Variants in XIAP observed in about 807,000 individuals in gnomAD.
XIAP encodes E3 ubiquitin-protein ligase XIAP.
XIAP carries 3 observed loss-of-function variants against 33.1 expected under a neutral mutation model. The ratio of observed to expected loss-of-function variants is 0.09; its 90% CI spans 0.04 to 0.23. The LOEUF is 0.23. Among genes scored for constraint, XIAP ranks in the 10% least tolerant of loss-of-function variants. XIAP has a pLI of 1.00. For synonymous variants in XIAP, 98 were observed against 121.3 expected, an observed-to-expected ratio of 0.81 and a Z score of 1.26; for missense variants, 264 against 363.0, an observed-to-expected ratio of 0.73 and a Z score of 2.22.
chrX:123,900,251 TCAAACACTA>T (rs1278673671), intron 5 of XIAP, among the ~76,000 whole-genome samples: 1 of 112,169 alleles, frequency 8.9e-6, no homozygotes, highest in East Asian at 2.8e-4. Context: ...TTGCATCGTT[TCAAACACTA>T]CAAAATACAT....
At chrX:123,868,474 A>G (rs1374499704) in intron 1 of XIAP, among the ~76,000 whole-genome samples, 1 of 111,447 alleles carries the variant, frequency 9.0e-6, no homozygotes, top group Non-Finnish European at 1.9e-5. Flanking sequence ...TCATGCCTTT[A>G]ATCCCAGCAC....
At chrX:123,899,023 AG>A (rs1290319805) in intron 5 of XIAP, among the ~76,000 whole-genome samples, 6 of 96,441 alleles carry the variant, frequency 6.2e-5, no homozygotes, top group Non-Finnish European at 1.2e-4. Flanking sequence ...CGAGAGGCTG[AG>A]GCAAGAGAAT....
chrX:123,877,042 A>G (rs1482595913), intron 1 of XIAP, among the ~76,000 whole-genome samples: 1 of 109,941 alleles, frequency 9.1e-6, no homozygotes. Flanking sequence ...AGAGTCTCAT[A>G]TTACCAGAGT....
At chrX:123,888,917 G>C (rs1448861087) in intron 3 of XIAP, among the ~76,000 whole-genome samples, 199 bp downstream of exon 3, 1 of 111,360 alleles carries the variant, frequency 9.0e-6, no homozygotes, top group Non-Finnish European at 1.9e-5. Context: ...ATAACATTCA[G>C]ATTATCCCTT....
At chrX:123,867,281 C>A (rs1217519133) in intron 1 of XIAP, among the ~76,000 whole-genome samples, 1 of 105,370 alleles carries the variant, frequency 9.5e-6, no homozygotes, top group Non-Finnish European at 2.0e-5. Context: ...CCATGGTCTC[C>A]ATCTCCTGAC....
chrX:123,888,226 T>C (rs913972686), intron 2 of XIAP, among the ~76,000 whole-genome samples: 37 of 110,511 alleles, frequency 3.3e-4, no homozygotes, highest in African/African-American at 1.1e-3. Flanking sequence ...TCCCAGCTAC[T>C]TGAGAGGCTG....
At chrX:123,859,886 A>C (rs1329451449), upstream of XIAP, 17 of 247,196 alleles carry the variant, frequency 6.9e-5, no homozygotes, top group Non-Finnish European at 1.1e-4. Context: ...GCGCTCATCG[A>C]GGGACGCCCG....
rs201948980 is a variant in XIAP at position 123,880,768 on chromosome X, A to G, written c.-32-4863A>G. Among the ~76,000 whole-genome samples, 43 of 108,203 alleles carry G rather than the reference A, an allele frequency of 4.0e-4. 1 individual carries two copies. In the East Asian group the frequency reaches 8.7e-3, roughly 22 times the overall value. The allele number at this position is 108,203 out of a possible 115,157, so 94.0% of individuals were successfully genotyped here. On this transcript the variant is annotated intron_variant, in intron 1 of 6. Transcript: ENST00000371199. ...AAAAAAAAAAAAAAGGGAGAAATAG[A>G]AACTTTTGTGTCGTATACAGACACC...
intron 1 of XIAP, among the ~76,000 whole-genome samples, chrX:123,877,846 C>T (rs1303156457): frequency 9.1e-6 from 1 of 110,192 alleles, no homozygotes; most frequent in Non-Finnish European, 1.9e-5. Context: ...TGGTGGCGGG[C>T]GCCTGTAGTC....
chrX:123,879,686 C>G (rs949154884), intron 1 of XIAP, among the ~76,000 whole-genome samples: 6 of 111,337 alleles, frequency 5.4e-5, no homozygotes, highest in Non-Finnish European at 7.5e-5. Context: ...AATCCCGTCA[C>G]CTTAACATTT....
rs142087897 is a variant in XIAP, at chrX:123,885,927, A to C, written c.265A>C (p.Asn89His). Residue 89 changes from asparagine (N) to histidine (H), a missense_variant, in exon 2 of 7, where the codon AAT (asparagine) becomes CAT (histidine). Transcript: ENST00000371199. ...TGGAAGACACAGGAAAGTATCCCCAAATTGCAGATTTATCAACGGCTTTTA... is the reference window on the plus strand; with the variant it reads ...TGGAAGACACAGGAAAGTATCCCCACATTGCAGATTTATCAACGGCTTTTA... ...AVGRHRKVSPNCRFINGFYLE... is the reference protein window; with the variant it reads ...AVGRHRKVSPHCRFINGFYLE... 1 of 1,211,582 alleles carries C rather than the reference A, an allele frequency of 8.3e-7. No individual in the cohort carries two copies.
chrX:123,863,543 C>G (rs752107361), intron 1 of XIAP, among the ~76,000 whole-genome samples: 2 of 111,532 alleles, frequency 1.8e-5, no homozygotes, highest in African/African-American at 6.5e-5. Flanking sequence ...GAGTTTCACT[C>G]TTGTTGCCCA....
intron 1 of XIAP, among the ~76,000 whole-genome samples, chrX:123,880,402 A>C (rs1168838468): frequency 2.0e-5 from 2 of 99,609 alleles, no homozygotes; most frequent in Non-Finnish European, 4.0e-5. Flanking sequence ...CAAGAGTGAA[A>C]CTCTGTCTCA....
chrX:123,869,464 C>T (rs1195487205), intron 1 of XIAP, among the ~76,000 whole-genome samples: 1 of 106,243 alleles, frequency 9.4e-6, no homozygotes, highest in Non-Finnish European at 1.9e-5. Context: ...GTGGAGGTTG[C>T]AGTGAGCTGA....
intron 1 of XIAP, among the ~76,000 whole-genome samples, chrX:123,869,360 T>TAAAAAAAAAAAAA (rs2053171837): frequency 3.7e-4 from 2 of 5,441 alleles, no homozygotes; most frequent in Non-Finnish European, 3.2e-4. Flanking sequence ...ACTAAAAAAA[T>TAAAAAAAAAAAAA]ACAAAAAAAA....
intron 1 of XIAP, among the ~76,000 whole-genome samples, chrX:123,862,628 A>AGGCG (rs201647552): frequency 0.38 from 40,708 of 107,395 alleles, 6,099 homozygotes; most frequent in African/African-American, 0.47. Flanking sequence ...TGGGACGCCA[A>AGGCG]GGCGGGCAGA....
intron 1 of XIAP, among the ~76,000 whole-genome samples, chrX:123,866,141 A>C (rs1403759003): frequency 9.1e-6 from 1 of 110,184 alleles, no homozygotes; most frequent in African/African-American, 3.3e-5. Flanking sequence ...GGGTTTCACC[A>C]TGTTAACCAG....
Position 123,912,049 on chromosome X carries a change from T to C in XIAP, c.*4868T>C, listed in dbSNP as rs1321747294. On this transcript the variant is annotated 3_prime_UTR_variant, in exon 7 of 7. Transcript: ENST00000371199. The stretch of plus-strand genomic sequence containing the variant: ...CTACCTTTCTTGAAAGGTCCAAATG[T>C]TTATGTTTTCAACTACTCTTTCCAC... 3.1e-6 allele frequency: 1 copy of C among 326,376 alleles called. No individual in the cohort carries two copies. The highest frequency in any genetic ancestry group is 9.8e-5 in the East Asian group (1 of 10,222). The allele number at this position is 326,376 out of a possible 1,213,427, so 26.9% of individuals were successfully genotyped here. A position where few individuals can be genotyped will look rare whatever the true frequency, so the allele number is the denominator to read the frequency against.
chrX:123,911,571 T>A lies in XIAP; in HGVS notation c.*4390T>A, dbSNP rs1335779511. ...CACATGCCCATAGTCGCAGCTACTCTGGAGGCAGAGGCAGGAGGATCACTT... is the reference window on the plus strand; with the variant it reads ...CACATGCCCATAGTCGCAGCTACTCAGGAGGCAGAGGCAGGAGGATCACTT... On this transcript the variant is annotated 3_prime_UTR_variant, in exon 7 of 7. Transcript: ENST00000371199. The A allele has an allele frequency of 3.8e-5, 12 of 314,252 alleles. No homozygotes were observed. Among genetic ancestry groups the A allele is most frequent in the African/African-American group, 3.0e-4 (11 of 36,877 alleles). The allele number at this position is 314,252 out of a possible 1,213,427, so 25.9% of individuals were successfully genotyped here.
Sources: allele counts gnomAD v4.1 joint callset (sites outside exome capture counted in the v4.1 genomes callset), GRCh38; gene constraint gnomAD v4.1.1; transcripts MANE v1.5; gene names NCBI Gene and HGNC (gene_info 2026-07-23, HGNC 2026-07-21).